ATP9A: variants seen among roughly 807,000 people sequenced by gnomAD.
ATP9A encodes ATPase phospholipid transporting 9A.
In ATP9A, 52 loss-of-function variants were observed where a neutral mutation model predicts 144.1. That is an observed-to-expected ratio of 0.36 (90% confidence interval 0.29 to 0.45). The LOEUF is 0.45. Ranked by LOEUF, ATP9A falls within the 20% of genes least tolerant of loss-of-function variation. The pLI, the probability that ATP9A is intolerant of heterozygous loss-of-function variation, is 1.00. For missense variants in ATP9A, 947 were observed against 1,392.7 expected, an observed-to-expected ratio of 0.68 and a Z score of 5.09; for synonymous variants, 582 against 557.4, an observed-to-expected ratio of 1.04 and a Z score of -0.62.
chr20:51,762,316 C>A (rs979864669), intron 1 of ATP9A, among the ~76,000 whole-genome samples: 17 of 152,064 alleles, frequency 1.1e-4, no homozygotes, highest in African/African-American at 4.1e-4. Context: ...TCGGTCAACA[C>A]GGTGAAACCC....
chr20:51,610,266 G>T (rs550924630), intron 23 of ATP9A, 101 bp from the exon 24 acceptor site: 9 of 900,260 alleles, frequency 1.0e-5, no homozygotes, highest in Non-Finnish European at 1.6e-5. Context: ...CACCCGCGCC[G>T]GCACTGCTGT....
At chr20:51,605,176 C>A (rs1209591906) in intron 26 of ATP9A, among the ~76,000 whole-genome samples, 156 bp from the exon 27 acceptor site, 1 of 152,170 alleles carries the variant, frequency 6.6e-6, no homozygotes, top group Non-Finnish European at 1.5e-5. Flanking sequence ...AGGTCTGAAC[C>A]TATGGTTTTC....
rs1334245903 is a variant in ATP9A at position 51,614,958 on chromosome 20, A to C, written c.2416-1126T>G. 3.9e-5 allele frequency among the ~76,000 whole-genome samples: 6 copies of C among 152,134 alleles called. No individual in the cohort carries two copies. In the East Asian group the frequency reaches 1.2e-3, roughly 29 times the overall value. Reference sequence around the variant, plus strand: ...CTTTTATTACTTAAGCTGTGAAGACACTCAGAGGACAGATGGGGGAATTTG... The same window carrying C: ...CTTTTATTACTTAAGCTGTGAAGACCCTCAGAGGACAGATGGGGGAATTTG... On this transcript the variant is annotated intron_variant, in intron 22 of 27. Transcript: ENST00000338821.
At chr20:51,671,705 T>C (rs1601095107) in intron 11 of ATP9A, among the ~76,000 whole-genome samples, 1 of 152,048 alleles carries the variant, frequency 6.6e-6, no homozygotes, top group Non-Finnish European at 1.5e-5. Context: ...AAACTGAAAT[T>C]CCACACCCAT....
rs570055364 is a variant in ATP9A, at chr20:51,620,764, C to A, written c.2115+1310G>T. Among the ~76,000 whole-genome samples, 11 of 152,228 alleles carry A rather than the reference C, an allele frequency of 7.2e-5. No homozygotes were observed. The East Asian group carries it at 2.1e-3, about 29-fold the overall frequency. On this transcript the variant is annotated intron_variant, in intron 19 of 27. Coordinates refer to ENST00000338821, the MANE Select transcript of ATP9A (RefSeq NM_006045.3). ...TACTCGATGGACTGCAAAAACGACA[C>A]TGGTTCGTCACACGGGGCTGAAAGG...
At chr20:51,608,384 C>A in intron 25 of ATP9A, 134 bp downstream of exon 25, 1 of 636,264 alleles carries the variant, frequency 1.6e-6, no homozygotes, top group South Asian at 2.1e-5. Context: ...AAAAAGCTAC[C>A]AGTTCAAGTG....
rs1248398920 is a variant in ATP9A at position 51,599,132 on chromosome 20, T to C, written c.*2079A>G. 1 of 152,202 alleles carries C rather than the reference T, an allele frequency of 6.6e-6. No individual in the cohort carries two copies. The highest frequency in any genetic ancestry group is 1.9e-4 in the East Asian group (1 of 5,194). The allele number at this position is 152,202 out of a possible 1,614,324, so 9.4% of individuals were successfully genotyped here. A position where few individuals can be genotyped will look rare whatever the true frequency, so the allele number is the denominator to read the frequency against. Reference sequence around the variant, plus strand: ...CTTCTGCTGGAAACCTCTAAAACTTTCTGACGAGGCTCCCACACGCCCTGC... The same window carrying C: ...CTTCTGCTGGAAACCTCTAAAACTTCCTGACGAGGCTCCCACACGCCCTGC... On this transcript the variant is annotated 3_prime_UTR_variant, in exon 28 of 28. Coordinates refer to ENST00000338821, the MANE Select transcript of ATP9A (RefSeq NM_006045.3).
In ATP9A at chr20:51,748,940, T is replaced by TAGACAGACAGAC. The variant is rs1477478838; in HGVS notation, c.69-18963_69-18962insGTCTGTCTGTCT. On this transcript the variant is annotated intron_variant, in intron 1 of 27. Coordinates refer to ENST00000338821, the MANE Select transcript of ATP9A (RefSeq NM_006045.3). ...ATAGATAGATAGATAGATAGATAGATAGATAGATAGACAGACAGACAGACA... is the reference window on the plus strand; with the variant it reads ...ATAGATAGATAGATAGATAGATAGATAGACAGACAGACAGATAGATAGACAGACAGACAGACA... Among the ~76,000 whole-genome samples the TAGACAGACAGAC allele has an allele frequency of 8.4e-3, 789 of 93,496 alleles. 10 individuals are homozygous for TAGACAGACAGAC. Among genetic ancestry groups the TAGACAGACAGAC allele is most frequent in the African/African-American group, 0.026 (733 of 27,802 alleles). The allele number at this position is 93,496 out of a possible 152,430, so 61.3% of individuals were successfully genotyped here.
chr20:51,601,234 T>TG lies in ATP9A; in HGVS notation c.3120dup (p.Ser1041GlnfsTer44). The stretch of plus-strand genomic sequence containing the variant: ...GCCTATGATGTGAGCTTTGAGTAGC[T>TG]GGGGGGAGAGAACCGTCTTCGCAGG... On this transcript the variant is annotated frameshift_variant, in exon 28 of 28. Coordinates refer to ENST00000338821, the MANE Select transcript of ATP9A (RefSeq NM_006045.3). LOFTEE classifies it high-confidence loss of function. 6.2e-7 allele frequency: 1 copy of TG among 1,613,266 alleles called. No homozygotes were observed. Among genetic ancestry groups the TG allele is most frequent in the Non-Finnish European group, 8.5e-7 (1 of 1,179,570 alleles).
intron 1 of ATP9A, among the ~76,000 whole-genome samples, chr20:51,753,331 G>C (rs1332040422): frequency 6.6e-6 from 1 of 152,008 alleles, no homozygotes; most frequent in Non-Finnish European, 1.5e-5. Flanking sequence ...TGTAGTCCTA[G>C]CTACTTGGGA....
At chr20:51,697,112 A>G (rs565017525) in intron 5 of ATP9A, among the ~76,000 whole-genome samples, 3 of 152,324 alleles carry the variant, frequency 2.0e-5, no homozygotes, top group East Asian at 1.9e-4. Flanking sequence ...GACTTCTAGG[A>G]AAAACTTTAT....
At chr20:51,764,940 C>T (rs373054325) in intron 1 of ATP9A, among the ~76,000 whole-genome samples, 1 of 152,028 alleles carries the variant, frequency 6.6e-6, no homozygotes, top group East Asian at 1.9e-4. Flanking sequence ...AGGCTGGTCT[C>T]GAACTCCTGA....
chr20:51,655,522 C>T (rs191249842), intron 14 of ATP9A, among the ~76,000 whole-genome samples: 4 of 152,016 alleles, frequency 2.6e-5, no homozygotes, highest in South Asian at 2.1e-4. Flanking sequence ...AATAAGCATA[C>T]GAAAAGACGC....
intron 9 of ATP9A, among the ~76,000 whole-genome samples, chr20:51,688,311 G>T (rs1276306582): frequency 6.6e-6 from 1 of 152,130 alleles, no homozygotes; most frequent in Non-Finnish European, 1.5e-5. Flanking sequence ...GACACCAATG[G>T]GCCAGGTGCA....
rs148579929 is a variant in ATP9A at position 51,621,045 on chromosome 20, G to A, written c.2115+1029C>T. ...GCCTGTAATCCCAGCTACTTGGGAG[G>A]CTGAGGCAGAAGAATTGCTTGAACC... On this transcript the variant is annotated intron_variant, in intron 19 of 27. Transcript: ENST00000338821. Among the ~76,000 whole-genome samples the A allele has an allele frequency of 9.5e-4, 145 of 151,940 alleles. 2 individuals carry two copies. The East Asian group carries it at 0.024, about 25-fold the overall frequency.
chr20:51,658,516 CTTTTTTT>C lies in ATP9A; in HGVS notation c.1294-1373_1294-1367del, dbSNP rs35371153. Reference sequence around the variant, plus strand: ...ACACATCGGGTGCCACCTATGCTTCCTTTTTTTTTTTTTTTTTTTTGAGACATGAGTC... The same window carrying C: ...ACACATCGGGTGCCACCTATGCTTCCTTTTTTTTTTTTTGAGACATGAGTC... On this transcript the variant is annotated intron_variant, in intron 13 of 27. Transcript: ENST00000338821. Among the ~76,000 whole-genome samples, 15 of 106,894 alleles carry C rather than the reference CTTTTTTT, an allele frequency of 1.4e-4. No homozygotes were observed. In the East Asian group the frequency reaches 4.5e-3, roughly 32 times the overall value. The allele number at this position is 106,894 out of a possible 152,430, so 70.1% of individuals were successfully genotyped here. A position where few individuals can be genotyped will look rare whatever the true frequency, so the allele number is the denominator to read the frequency against.
chr20:51,604,737 C>G, intron 27 of ATP9A, 80 bp downstream of exon 27: 2 of 1,305,248 alleles, frequency 1.5e-6, no homozygotes, highest in Non-Finnish European at 2.0e-6. Context: ...GGGAACCCCC[C>G]TTCCTTCATA....
intron 24 of ATP9A, 69 bp downstream of exon 24, chr20:51,610,032 T>C: frequency 7.0e-7 from 1 of 1,420,588 alleles, no homozygotes; most frequent in South Asian, 1.2e-5. Context: ...TCCACCACGT[T>C]TCTTCTCTCT....
chr20:51,664,554 CCGTAGT>C (rs1307834324), intron 13 of ATP9A, among the ~76,000 whole-genome samples: 4 of 151,632 alleles, frequency 2.6e-5, no homozygotes, highest in Non-Finnish European at 5.9e-5. Context: ...CACCACTGCA[CCGTAGT>C]CTGGGTAAGA....
Sources: allele counts gnomAD v4.1 joint callset (sites outside exome capture counted in the v4.1 genomes callset), GRCh38; gene constraint gnomAD v4.1.1; transcripts MANE v1.5; gene names NCBI Gene and HGNC (gene_info 2026-07-23, HGNC 2026-07-21).